The following CTNNA3 variants were observed in gnomAD, a reference collection of about 807,000 sequenced individuals.
CTNNA3 encodes the protein catenin alpha-3.
Under a neutral mutation model 95.7 loss-of-function variants are expected in CTNNA3, and 76 were observed. That is an observed-to-expected ratio of 0.79 (90% CI 0.66 to 0.96). The LOEUF (loss-of-function observed/expected upper bound fraction) is 0.96. Among genes scored for constraint, CTNNA3 ranks in the 40% least tolerant of loss-of-function variants. The probability of loss-of-function intolerance (pLI) is 0.00; values close to 1 mark genes in which losing one functional copy is unlikely to be tolerated. For missense variants in CTNNA3, 1,191 were observed against 1,089.8 expected (o/e 1.09, Z -1.31); for synonymous variants, 431 against 374.4 (o/e 1.15, Z -1.74).
At chr10:66,049,011 G>C (rs983929321) in intron 15 of CTNNA3, among the ~76,000 whole-genome samples, 2 of 152,004 alleles carry the variant, frequency 1.3e-5, no homozygotes, top group African/African-American at 4.8e-5. Flanking sequence ...ACAACCTAAA[G>C]AATGGCAGAA....
Position 65,914,277 on chromosome 10 carries a change from T to C in CTNNA3, c.*6053A>G, listed in dbSNP as rs2076980829. 6.6e-6 allele frequency: 1 copy of C among 152,074 alleles called. No individual in the cohort carries two copies. The highest frequency in any genetic ancestry group is 6.6e-5 in the Admixed American group (1 of 15,262). The allele number at this position is 152,074 out of a possible 1,614,324, so 9.4% of individuals were successfully genotyped here. The stretch of plus-strand genomic sequence containing the variant: ...GGCACCATCATGACTACCAGATACA[T>C]AAAAGTGAAGATCCCCAATATACAC... On this transcript the variant is annotated 3_prime_UTR_variant, in exon 18 of 18. Transcript: ENST00000433211.
At chr10:66,161,873 T>C (rs1589600337) in intron 13 of CTNNA3, among the ~76,000 whole-genome samples, 1 of 152,100 alleles carries the variant, frequency 6.6e-6, no homozygotes, top group East Asian at 1.9e-4. Flanking sequence ...ATCCCAGACT[T>C]CTTGGAGGCT....
chr10:65,921,186 CAT>C (rs2133108922), intron 17 of CTNNA3, among the ~76,000 whole-genome samples: 1 of 152,302 alleles, frequency 6.6e-6, no homozygotes, highest in South Asian at 2.1e-4. Context: ...CTCTTAAAAA[CAT>C]ATCAATAGCC....
intron 13 of CTNNA3, among the ~76,000 whole-genome samples, chr10:66,169,413 C>T (rs1474262493): frequency 6.6e-6 from 1 of 152,194 alleles, no homozygotes; most frequent in African/African-American, 2.4e-5. Context: ...TCTTTATCCA[C>T]TCGTTGGTTG....
chr10:66,087,684 A>G (rs949735467), intron 14 of CTNNA3, among the ~76,000 whole-genome samples: 1 of 152,144 alleles, frequency 6.6e-6, no homozygotes, highest in Admixed American at 6.6e-5. Flanking sequence ...AATAATCATC[A>G]GCAACAGAAC....
intron 7 of CTNNA3, among the ~76,000 whole-genome samples, chr10:66,949,040 C>T (rs1323374154): frequency 6.6e-6 from 1 of 152,036 alleles, no homozygotes; most frequent in Non-Finnish European, 1.5e-5. Flanking sequence ...TGTAATCTTG[C>T]AAACAAATAT....
Position 67,281,850 on chromosome 10 carries a change from A to T in CTNNA3, c.580-61980T>A, listed in dbSNP as rs181655652. 2.8e-4 allele frequency among the ~76,000 whole-genome samples: 42 copies of T among 152,316 alleles called. No individual in the cohort carries two copies. The East Asian group carries it at 4.6e-3, about 17-fold the overall frequency. Reference sequence around the variant, plus strand: ...CTTTTTAGAGGACATTTTCAATGTAACAAGAATGATAATGATTTCTAAGGA... The same window carrying T: ...CTTTTTAGAGGACATTTTCAATGTATCAAGAATGATAATGATTTCTAAGGA... On this transcript the variant is annotated intron_variant, in intron 5 of 17. Coordinates refer to ENST00000433211, the MANE Select transcript of CTNNA3 (RefSeq NM_013266.4).
chr10:66,556,941 AATTC>A (rs1309462517), intron 10 of CTNNA3, among the ~76,000 whole-genome samples: 2 of 152,118 alleles, frequency 1.3e-5, no homozygotes, highest in African/African-American at 4.8e-5. Context: ...TGTAGTAATC[AATTC>A]ATTATGTATA....
Position 66,313,680 on chromosome 10 carries a change from C to G in CTNNA3, c.1733-33059G>C, listed in dbSNP as rs576957852. Among the ~76,000 whole-genome samples the G allele has an allele frequency of 2.6e-5, 4 of 152,296 alleles. No individual in the cohort carries two copies. In the East Asian group the frequency reaches 7.7e-4, roughly 29 times the overall value. On this transcript the variant is annotated intron_variant, in intron 12 of 17. Transcript: ENST00000433211. ...GATTACTTATTATTTGTCTTTCTCT[C>G]AAGCCTTGGGCTGTGAGGGTAGGTG...
chr10:66,093,797 C>A (rs2081294401), intron 14 of CTNNA3, among the ~76,000 whole-genome samples: 1 of 151,984 alleles, frequency 6.6e-6, no homozygotes, highest in Admixed American at 6.6e-5. Context: ...TCATGTAATA[C>A]CCTAGGCTCA....
intron 5 of CTNNA3, among the ~76,000 whole-genome samples, chr10:67,245,828 CTGGG>C (rs1865882789): frequency 6.9e-6 from 1 of 145,902 alleles, no homozygotes; most frequent in South Asian, 2.2e-4. Flanking sequence ...GCACTCCAGC[CTGGG>C]TGACAGTGCG....
chr10:67,235,196 G>T (rs979721039), intron 5 of CTNNA3, among the ~76,000 whole-genome samples: 12 of 151,934 alleles, frequency 7.9e-5, no homozygotes, highest in Non-Finnish European at 1.3e-4. Flanking sequence ...AAAAGAGCCC[G>T]CATCGCCAAG....
chr10:66,199,765 CTATATATATATATA>C (rs59585958), intron 13 of CTNNA3, among the ~76,000 whole-genome samples: 87 of 30,696 alleles, frequency 2.8e-3, no homozygotes, highest in East Asian at 7.0e-3. Flanking sequence ...CCACGCCTGG[CTATATATATATATA>C]TATATATATA....
At chr10:67,270,654 T>C (rs1838931695) in intron 5 of CTNNA3, among the ~76,000 whole-genome samples, 1 of 152,132 alleles carries the variant, frequency 6.6e-6, no homozygotes, top group Admixed American at 6.6e-5. Flanking sequence ...ACTCCAGAAA[T>C]AGAAAGCTGC....
chr10:67,221,437 G>T (rs1372353449), intron 5 of CTNNA3, among the ~76,000 whole-genome samples: 1 of 152,058 alleles, frequency 6.6e-6, no homozygotes, highest in Non-Finnish European at 1.5e-5. Flanking sequence ...AAACACTAAG[G>T]TTTCAAGAGA....
intron 13 of CTNNA3, among the ~76,000 whole-genome samples, chr10:66,210,227 G>C (rs2088051815): frequency 6.6e-6 from 1 of 151,374 alleles, no homozygotes; most frequent in Admixed American, 6.6e-5. Flanking sequence ...AAATGGCTTA[G>C]GTATGCCAAG....
rs536565409 is a variant in CTNNA3, at chr10:66,238,264, A to G, written c.1884+42206T>C. On this transcript the variant is annotated intron_variant, in intron 13 of 17. Transcript: ENST00000433211. ...TACATCAGGTTATAAATATTAAATA[A>G]CTCAAGTCTGAAAGAAGGGATCTTT... Among the ~76,000 whole-genome samples the G allele has an allele frequency of 7.2e-5, 11 of 152,114 alleles. No homozygotes were observed. The South Asian group carries it at 2.1e-3, about 29-fold the overall frequency.
chr10:67,042,856 A>T lies in CTNNA3; in HGVS notation c.1047+137461T>A, dbSNP rs78266650. Among the ~76,000 whole-genome samples the T allele has an allele frequency of 0.01, 1,566 of 152,278 alleles. 65 individuals are homozygous for T. In the East Asian group the frequency reaches 0.14, roughly 14 times the overall value. On this transcript the variant is annotated intron_variant, in intron 7 of 17. Coordinates refer to ENST00000433211, the MANE Select transcript of CTNNA3 (RefSeq NM_013266.4). The stretch of plus-strand genomic sequence containing the variant: ...TAGTTCCAATGGAAATGTGAGGAAT[A>T]GGAGGTAGTTAAAGGGCAATAGACC...
chr10:67,213,613 T>C (rs1332483158), intron 6 of CTNNA3, among the ~76,000 whole-genome samples: 8 of 151,838 alleles, frequency 5.3e-5, no homozygotes, highest in Admixed American at 5.3e-4. Flanking sequence ...TTTAGCTATA[T>C]CGCTCAAGTT....
Sources: gnomAD v4.1 joint callset for allele counts (sites outside exome capture counted in the v4.1 genomes callset) on GRCh38, gnomAD v4.1.1 for gene constraint, MANE v1.5 for transcripts, NCBI Gene and HGNC (gene_info 2026-07-23, HGNC 2026-07-21) for gene names.